The following GALNT13 variants were observed in gnomAD, a reference collection of about 807,000 sequenced individuals.
GALNT13 encodes the protein UDP-GalNAc:polypeptide N-acetylgalactosaminyltransferase 13.
A neutral mutation model predicts 64.2 loss-of-function variants in GALNT13; 28 were observed. The observed-to-expected ratio is 0.44, with a 90% CI of 0.32 to 0.60. The LOEUF (loss-of-function observed/expected upper bound fraction) is 0.60. Among genes scored for constraint, GALNT13 ranks in the 20% least tolerant of loss-of-function variants. The probability of loss-of-function intolerance (pLI) is 0.05; values close to 1 mark genes in which losing one functional copy is unlikely to be tolerated. For synonymous variants in GALNT13, 214 were observed against 224.6 expected, an observed-to-expected ratio of 0.95 and a Z score of 0.42; for missense variants, 577 against 669.8, an observed-to-expected ratio of 0.86 and a Z score of 1.53.
chr2:153,266,106 G>C, the GALNT13 span, among the ~76,000 whole-genome samples: 2 of 152,084 alleles, frequency 1.3e-5, no homozygotes, highest in Non-Finnish European at 2.9e-5. Flanking sequence ...TGTGTGACTT[G>C]TTCCATTGTA....
At chr2:154,326,268 T>G (rs1331390764) in intron 9 of GALNT13, among the ~76,000 whole-genome samples, 1 of 151,244 alleles carries the variant, frequency 6.6e-6, no homozygotes, top group Non-Finnish European at 1.5e-5. Context: ...TTGAATCCTT[T>G]AATTCTAAAA....
the GALNT13 span, among the ~76,000 whole-genome samples, chr2:153,249,033 A>C: frequency 6.6e-6 from 1 of 152,166 alleles, no homozygotes; most frequent in Admixed American, 6.5e-5. Context: ...TAGCCAGGGC[A>C]ATCAGACAAG....
chr2:153,200,705 C>T, the GALNT13 span, among the ~76,000 whole-genome samples: 4 of 152,246 alleles, frequency 2.6e-5, no homozygotes, highest in African/African-American at 9.6e-5. Flanking sequence ...TAGAGAAATG[C>T]AGAAAACACA....
the GALNT13 span, among the ~76,000 whole-genome samples, chr2:153,472,341 GTATATT>G: frequency 6.6e-6 from 1 of 152,110 alleles, no homozygotes; most frequent in African/African-American, 2.4e-5. Flanking sequence ...AATTATGTGT[GTATATT>G]TATATTACTA....
the GALNT13 span, among the ~76,000 whole-genome samples, chr2:153,643,957 A>T: frequency 2.0e-5 from 3 of 152,064 alleles, no homozygotes; most frequent in Non-Finnish European, 4.4e-5. Flanking sequence ...TGCAACAATC[A>T]TCTTAGCTGT....
At chr2:154,363,372 G>T (rs900683108) in intron 9 of GALNT13, among the ~76,000 whole-genome samples, 2 of 152,056 alleles carry the variant, frequency 1.3e-5, no homozygotes, top group South Asian at 4.1e-4. Context: ...TTGTGGAGCG[G>T]GGGGAAGCTC....
chr2:153,240,813 A>C, the GALNT13 span, among the ~76,000 whole-genome samples: 1 of 152,000 alleles, frequency 6.6e-6, no homozygotes, highest in Non-Finnish European at 1.5e-5. Context: ...AGGTGCTGCC[A>C]ATGCCTTCTT....
chr2:153,422,701 G>A, the GALNT13 span, among the ~76,000 whole-genome samples: 6 of 151,966 alleles, frequency 3.9e-5, no homozygotes, highest in African/African-American at 1.4e-4. Flanking sequence ...ATAACATTTT[G>A]CCAATTATTT....
chr2:154,205,923 T>C (rs1687418400), intron 4 of GALNT13, among the ~76,000 whole-genome samples: 1 of 152,160 alleles, frequency 6.6e-6, no homozygotes, highest in African/African-American at 2.4e-5. Context: ...ATTTAAATGT[T>C]TTACTTTGCA....
chr2:153,849,752 G>C, the GALNT13 span, among the ~76,000 whole-genome samples: 10 of 152,202 alleles, frequency 6.6e-5, no homozygotes, highest in African/African-American at 2.2e-4. Flanking sequence ...GAGATATGGA[G>C]AGTAGACAGC....
the GALNT13 span, among the ~76,000 whole-genome samples, chr2:153,101,940 A>G: frequency 6.6e-6 from 1 of 152,240 alleles, no homozygotes; most frequent in South Asian, 2.1e-4. Flanking sequence ...TCTTACATAC[A>G]TTTATGTATC....
chr2:154,290,716 AG>A (rs1287922702), intron 8 of GALNT13, among the ~76,000 whole-genome samples: 1 of 152,158 alleles, frequency 6.6e-6, no homozygotes, highest in Non-Finnish European at 1.5e-5. Context: ...TCAAAAATGA[AG>A]CTGCGGACCC....
At chr2:154,000,850 T>G (rs1695857649) in intron 3 of GALNT13, among the ~76,000 whole-genome samples, 1 of 152,008 alleles carries the variant, frequency 6.6e-6, no homozygotes, top group South Asian at 2.1e-4. Context: ...TTTGTTGATT[T>G]TCTACCTGAA....
the GALNT13 span, among the ~76,000 whole-genome samples, chr2:153,202,545 A>C: frequency 6.6e-6 from 1 of 152,182 alleles, no homozygotes; most frequent in Admixed American, 6.5e-5. Flanking sequence ...CTTACTTCAC[A>C]TTTGAAACCT....
At chr2:153,746,192 C>T in the GALNT13 span, among the ~76,000 whole-genome samples, 1 of 152,024 alleles carries the variant, frequency 6.6e-6, no homozygotes, top group Admixed American at 6.6e-5. Flanking sequence ...AACAAATTTC[C>T]AAAACCTGAA....
At chr2:153,070,768 A>T in the GALNT13 span, among the ~76,000 whole-genome samples, 1 of 152,200 alleles carries the variant, frequency 6.6e-6, no homozygotes, top group African/African-American at 2.4e-5. Flanking sequence ...AGCTGCACAC[A>T]TATGACTCTG....
chr2:153,144,466 G>T, the GALNT13 span, among the ~76,000 whole-genome samples: 1 of 151,830 alleles, frequency 6.6e-6, no homozygotes, highest in East Asian at 1.9e-4. Flanking sequence ...GTCCTAATTT[G>T]TCATTAGGTA....
chr2:153,488,027 T>C, the GALNT13 span, among the ~76,000 whole-genome samples: 1 of 152,202 alleles, frequency 6.6e-6, no homozygotes, highest in Non-Finnish European at 1.5e-5. Context: ...CATAAAGTCT[T>C]ATACATTACA....
At chr2:153,713,871 T>G in the GALNT13 span, among the ~76,000 whole-genome samples, 1 of 152,282 alleles carries the variant, frequency 6.6e-6, no homozygotes, top group East Asian at 1.9e-4. Context: ...GTACTGCCAC[T>G]TAGATCTCAA....
Sources: allele counts gnomAD v4.1 joint callset (sites outside exome capture counted in the v4.1 genomes callset), GRCh38; gene constraint gnomAD v4.1.1; transcripts MANE v1.5; gene names NCBI Gene and HGNC (gene_info 2026-07-23, HGNC 2026-07-21).